Variants in CFAP57 observed in about 807,000 individuals in gnomAD.
CFAP57 encodes cilia and flagella associated protein 57, also known as cilia- and flagella-associated protein 57.
In CFAP57, 116 loss-of-function variants were observed where a neutral mutation model predicts 146.8. That is an observed-to-expected ratio of 0.79 (90% CI 0.68 to 0.92). The LOEUF is 0.92. CFAP57 is among the 40% of genes least tolerant of loss of function. The pLI, the probability that CFAP57 is intolerant of heterozygous loss-of-function variation, is 0.00. For missense variants in CFAP57, 1,377 were observed against 1,527.2 expected, an observed-to-expected ratio of 0.90 and a Z score of 1.64; for synonymous variants, 518 against 552.8, an observed-to-expected ratio of 0.94 and a Z score of 0.88.
At chr1:43,230,339 A>G (rs963830391) in intron 18 of CFAP57, among the ~76,000 whole-genome samples, 11 of 152,112 alleles carry the variant, frequency 7.2e-5, no homozygotes, top group Admixed American at 4.6e-4. Context: ...CAGCCTCCTG[A>G]CTGGTCTGCC....
intron 10 of CFAP57, among the ~76,000 whole-genome samples, chr1:43,209,347 T>A (rs552704258): frequency 1.3e-5 from 2 of 152,334 alleles, no homozygotes; most frequent in East Asian, 3.9e-4. Flanking sequence ...GTACATGAGT[T>A]GAAGCAAATG....
At chr1:43,179,322 G>A (rs1209775605) in intron 2 of CFAP57, among the ~76,000 whole-genome samples, 2 of 152,170 alleles carry the variant, frequency 1.3e-5, no homozygotes, top group Non-Finnish European at 1.5e-5. Context: ...AGGCGAAAAT[G>A]TTTTAAGGAG....
At chr1:43,232,746 C>T (rs931814546) in intron 19 of CFAP57, 122 bp downstream of exon 19, 3 of 645,682 alleles carry the variant, frequency 4.6e-6, no homozygotes, top group African/African-American at 1.8e-5. Flanking sequence ...CATTTTAACT[C>T]ACATTCTTTA....
At position 43,232,219 on chromosome 1, in the gene CFAP57, A is replaced by C. The variant is rs543177819; in HGVS notation, c.3010-289A>C. ...TCACCAATTTATAAGGAATTCAAGA[A>C]AATAAAATAATCAGCATGGTTGAAG... On this transcript the variant is annotated intron_variant, in intron 18 of 22. Coordinates refer to ENST00000372492, the MANE Select transcript of CFAP57 (RefSeq NM_001378189.1). 248 of 608,084 alleles carry C rather than the reference A, an allele frequency of 4.1e-4. 3 individuals carry two copies. In the South Asian group the frequency reaches 4.4e-3, roughly 11 times the overall value. The allele number at this position is 608,084 out of a possible 1,614,324, so 37.7% of individuals were successfully genotyped here.
chr1:43,190,815 A>T (rs1180032784), intron 6 of CFAP57, among the ~76,000 whole-genome samples: 1 of 151,976 alleles, frequency 6.6e-6, no homozygotes, highest in Non-Finnish European at 1.5e-5. Context: ...CCACCCTTGC[A>T]TTCTTGGGAT....
In CFAP57 at chr1:43,222,085, C is replaced by A. The variant is rs1645068090; in HGVS notation, c.2342-20C>A. On this transcript the variant is annotated intron_variant, in intron 14 of 22. Transcript: ENST00000372492. ...AAGTGCTGCTCTCCCACCTTAAATA[C>A]CATCCTTGCTTCTCTCCAGAATGTT... 1 of 1,536,178 alleles carries A rather than the reference C, an allele frequency of 6.5e-7. No individual in the cohort carries two copies. The highest frequency in any genetic ancestry group is 8.8e-7 in the Non-Finnish European group (1 of 1,139,638).
intron 22 of CFAP57, among the ~76,000 whole-genome samples, chr1:43,251,635 T>C (rs1646328931): frequency 6.6e-6 from 1 of 152,252 alleles, no homozygotes; most frequent in African/African-American, 2.4e-5. Flanking sequence ...TTATTAACTT[T>C]AGGAAACACA....
chr1:43,222,234 T>A lies in CFAP57; in HGVS notation c.2471T>A (p.Leu824Gln). Residue 824 changes from leucine (L) to glutamine (Q), a missense_variant, in exon 15 of 23, where the codon CTG (leucine) becomes CAG (glutamine). Coordinates refer to ENST00000372492, the MANE Select transcript of CFAP57 (RefSeq NM_001378189.1). ...AACGATGAGACCAAGAGCCAGGCCC[T>A]GGAGGAGCTGACTGAGTTTTACGAG... ...RDNDETKSQA[L>Q]EELTEFYEAK... 1 of 1,501,388 alleles carries A rather than the reference T, an allele frequency of 6.7e-7. No homozygotes were observed. Among genetic ancestry groups the A allele is most frequent in the Non-Finnish European group, 8.9e-7 (1 of 1,123,560 alleles). The allele number at this position is 1,501,388 out of a possible 1,614,324, so 93.0% of individuals were successfully genotyped here.
At chr1:43,192,338 A>G (rs1252787276) in intron 6 of CFAP57, among the ~76,000 whole-genome samples, 1 of 152,116 alleles carries the variant, frequency 6.6e-6, no homozygotes, top group Non-Finnish European at 1.5e-5. Flanking sequence ...GGTGTATTGC[A>G]TGGCCTGGTG....
rs763142290 is a variant in CFAP57 at position 43,181,554 on chromosome 1, A to C, written c.178A>C (p.Met60Leu). Residue 60 changes from methionine (M) to leucine (L), a missense_variant, in exon 3 of 23, where the codon ATG becomes CTG. Transcript: ENST00000372492. ...FIPGSEKSQG[M>L]LALSISPNRR... ...TGCAGGCTCAGAGAAGAGTCAGGGCATGTTGGCCTTGTCCATCAGTCCCAA... is the reference window on the plus strand; with the variant it reads ...TGCAGGCTCAGAGAAGAGTCAGGGCCTGTTGGCCTTGTCCATCAGTCCCAA... The C allele has an allele frequency of 1.5e-5, 24 of 1,614,182 alleles. No homozygotes were observed. The South Asian group carries it at 2.5e-4, about 17-fold the overall frequency.
intron 11 of CFAP57, chr1:43,211,593 T>G (rs996424855): frequency 7.4e-5 from 7 of 94,054 alleles, no homozygotes; most frequent in African/African-American, 2.4e-4. Context: ...AAAAAAAAAA[T>G]CCTCATAATG....
intron 19 of CFAP57, among the ~76,000 whole-genome samples, chr1:43,234,006 G>C (rs1392095030): frequency 6.6e-6 from 1 of 152,164 alleles, no homozygotes; most frequent in Non-Finnish European, 1.5e-5. Flanking sequence ...CAATAAAGGA[G>C]CCCATCTGTG....
rs2453412 is a variant in CFAP57, at chr1:43,209,796, G to T, written c.1809G>T (p.Ser603=). The change falls in exon 11 of 23, where the codon TCG becomes TCT. Residue 603 remains serine (S), a synonymous_variant. Coordinates refer to ENST00000372492, the MANE Select transcript of CFAP57 (RefSeq NM_001378189.1). The stretch of plus-strand genomic sequence containing the variant: ...TCACCTACACCGCCATTGTCATCTC[G>T]CATTCTGGACGCATGATGTTTGTGG... The part of the protein sequence containing the change: ...FDVTYTAIVI[S]HSGRMMFVGT... The T allele has an allele frequency of 6.2e-7, 1 of 1,613,702 alleles. No homozygotes were observed. Among genetic ancestry groups the T allele is most frequent in the Admixed American group, 1.7e-5 (1 of 60,004 alleles).
At chr1:43,177,588 G>A (rs1250511907) in intron 2 of CFAP57, among the ~76,000 whole-genome samples, 1 of 152,102 alleles carries the variant, frequency 6.6e-6, no homozygotes, top group African/African-American at 2.4e-5. Context: ...GACTTCCCTA[G>A]GGCAGTGGTC....
At chr1:43,183,192 T>C (rs1217975960) in intron 3 of CFAP57, among the ~76,000 whole-genome samples, 1 of 152,106 alleles carries the variant, frequency 6.6e-6, no homozygotes, top group African/African-American at 2.4e-5. Context: ...GATTGAAGGA[T>C]GTTCAGTTGG....
chr1:43,186,963 T>G (rs1643169435), intron 6 of CFAP57, 104 bp downstream of exon 6: 4 of 1,376,856 alleles, frequency 2.9e-6, no homozygotes, highest in Non-Finnish European at 3.0e-6. Context: ...TAGCATAAAC[T>G]CATGCATCCC....
chr1:43,226,277 G>C (rs1257425312), intron 17 of CFAP57, among the ~76,000 whole-genome samples: 4 of 152,354 alleles, frequency 2.6e-5, no homozygotes, highest in Non-Finnish European at 5.9e-5. Flanking sequence ...CTCTGTCCCC[G>C]ATGTCTGGGG....
chr1:43,251,108 C>T (rs935991883), intron 22 of CFAP57, among the ~76,000 whole-genome samples: 3 of 152,342 alleles, frequency 2.0e-5, no homozygotes, highest in African/African-American at 7.2e-5. Context: ...TCCCAGACCA[C>T]AGCAACCGAG....
At chr1:43,243,084 C>A in intron 21 of CFAP57, 143 bp from the exon 22 acceptor site, 1 of 991,464 alleles carries the variant, frequency 1.0e-6, no homozygotes, top group Non-Finnish European at 1.4e-6. Context: ...GGAATAAAGG[C>A]TCAGGCCCCA....
Sources: allele counts gnomAD v4.1 joint callset (sites outside exome capture counted in the v4.1 genomes callset), GRCh38; gene constraint gnomAD v4.1.1; transcripts MANE v1.5; gene names NCBI Gene and HGNC (gene_info 2026-07-23, HGNC 2026-07-21).